The following PIK3CB variants were observed in gnomAD, a reference collection of about 807,000 sequenced individuals.
PIK3CB encodes the protein phosphatidylinositol 4,5-bisphosphate 3-kinase catalytic subunit beta isoform.
PIK3CB carries 39 observed loss-of-function variants against 136.8 expected under a neutral mutation model. The ratio of observed to expected loss-of-function variants is 0.29; its 90% confidence interval spans 0.22 to 0.37. The LOEUF (loss-of-function observed/expected upper bound fraction) is 0.37, where lower values mean the gene tolerates loss of function less well. Among genes scored for constraint, PIK3CB ranks in the 10% least tolerant of loss-of-function variants. The pLI is 1.00. For missense variants in PIK3CB, 868 were observed against 1,275.4 expected (o/e 0.68, Z 4.87); for synonymous variants, 428 against 436.6 (o/e 0.98, Z 0.25).
At chr3:138,814,607 T>C (rs1039315709) in intron 1 of PIK3CB, among the ~76,000 whole-genome samples, 1 of 152,146 alleles carries the variant, frequency 6.6e-6, no homozygotes, top group African/African-American at 2.4e-5. Flanking sequence ...TCTCTCTAGA[T>C]TTCCCCAACC....
chr3:138,736,946 G>C (rs2045119062), intron 6 of PIK3CB, among the ~76,000 whole-genome samples: 1 of 151,990 alleles, frequency 6.6e-6, no homozygotes, highest in Non-Finnish European at 1.5e-5. Flanking sequence ...ACAATTCAAT[G>C]GATGACCATT....
intron 19 of PIK3CB, 22 bp downstream of exon 19, chr3:138,681,945 A>G (rs763302577): frequency 1.7e-5 from 26 of 1,533,262 alleles, no homozygotes; most frequent in Non-Finnish European, 2.2e-5. Context: ...AGACTGAAAA[A>G]AAAAAAAAGA....
chr3:138,666,714 T>C (rs1479239245), intron 19 of PIK3CB, among the ~76,000 whole-genome samples: 2 of 152,140 alleles, frequency 1.3e-5, no homozygotes, highest in Non-Finnish European at 2.9e-5. Context: ...ATACAATGGA[T>C]GGAATTCATG....
intron 1 of PIK3CB, among the ~76,000 whole-genome samples, chr3:138,822,221 A>C (rs1933588871): frequency 6.6e-6 from 1 of 151,810 alleles, no homozygotes; most frequent in African/African-American, 2.4e-5. Flanking sequence ...GCTCATAAAT[A>C]TGGAACTTGA....
At chr3:138,663,778 A>G in intron 21 of PIK3CB, 128 bp downstream of exon 21, 1 of 868,200 alleles carries the variant, frequency 1.2e-6, no homozygotes. Context: ...GTAGTGAGAA[A>G]TTGAAGTAAA....
chr3:138,733,449 A>G lies in PIK3CB; in HGVS notation c.973-11T>C. ...ATTTTCCCAAACATGCTGTAAAAGA[A>G]TAAAATAAATACAAATTATTTTAAT... On this transcript the variant is annotated splice_polypyrimidine_tract_variant and intron_variant, in intron 7 of 23. Transcript: ENST00000674063. 7.8e-7 allele frequency: 1 copy of G among 1,285,218 alleles called. No individual in the cohort carries two copies. Among genetic ancestry groups the G allele is most frequent in the South Asian group, 1.2e-5 (1 of 80,060 alleles). The allele number at this position is 1,285,218 out of a possible 1,614,324, so 79.6% of individuals were successfully genotyped here. A position where few individuals can be genotyped will look rare whatever the true frequency, so the allele number is the denominator to read the frequency against.
intron 8 of PIK3CB, among the ~76,000 whole-genome samples, chr3:138,722,305 C>A (rs758595149): frequency 1.3e-5 from 2 of 151,114 alleles, no homozygotes; most frequent in Non-Finnish European, 2.9e-5. Context: ...TTTGGTAAAT[C>A]ATAAATAAAA....
intron 1 of PIK3CB, among the ~76,000 whole-genome samples, chr3:138,807,337 G>A (rs1223337617): frequency 6.6e-6 from 1 of 152,150 alleles, no homozygotes; most frequent in Non-Finnish European, 1.5e-5. Flanking sequence ...AGGAGGCTGA[G>A]GCAGAAGAAT....
intron 4 of PIK3CB, among the ~76,000 whole-genome samples, chr3:138,746,818 T>C (rs2045363266): frequency 6.6e-6 from 1 of 151,332 alleles, no homozygotes; most frequent in African/African-American, 2.4e-5. Flanking sequence ...TTAGAGTCTA[T>C]TGGTATGCCT....
chr3:138,831,311 TGCTA>T (rs1438042533), intron 1 of PIK3CB, among the ~76,000 whole-genome samples: 1 of 141,170 alleles, frequency 7.1e-6, no homozygotes, highest in African/African-American at 2.6e-5. Context: ...TTAAAAATAG[TGCTA>T]GGCGCAGTGG....
At position 138,711,434 on chromosome 3, in the gene PIK3CB, C is replaced by A. The variant is rs1299181347; in HGVS notation, c.1399+774G>T. On this transcript the variant is annotated intron_variant, in intron 10 of 23. Coordinates refer to ENST00000674063, the MANE Select transcript of PIK3CB (RefSeq NM_006219.3). Reference sequence around the variant, plus strand: ...GTCTCTACTAAAAATACAAAATTAGCTGGACGTGGTGGCACATGCCTGTAA... The same window carrying A: ...GTCTCTACTAAAAATACAAAATTAGATGGACGTGGTGGCACATGCCTGTAA... 2.0e-5 allele frequency among the ~76,000 whole-genome samples: 3 copies of A among 151,798 alleles called. No individual in the cohort carries two copies. The East Asian group carries it at 5.8e-4, about 29-fold the overall frequency.
At chr3:138,831,324 G>A (rs1576439298) in intron 1 of PIK3CB, among the ~76,000 whole-genome samples, 2 of 151,120 alleles carry the variant, frequency 1.3e-5, no homozygotes, top group South Asian at 4.2e-4. Flanking sequence ...TAGGCGCAGT[G>A]GCTCACGCCT....
intron 2 of PIK3CB, among the ~76,000 whole-genome samples, chr3:138,761,255 T>C (rs1369785746): frequency 6.6e-6 from 1 of 152,242 alleles, no homozygotes; most frequent in African/African-American, 2.4e-5. Context: ...AGATCTGATC[T>C]ATGTGCTAGT....
At chr3:138,683,856 T>C (rs1320984471) in intron 17 of PIK3CB, 69 bp from the exon 18 acceptor site, 3 of 840,678 alleles carry the variant, frequency 3.6e-6, no homozygotes, top group East Asian at 2.4e-5. Flanking sequence ...TTTACCACTA[T>C]ATACTAGGCT....
chr3:138,809,874 G>T (rs1247331152), intron 1 of PIK3CB, among the ~76,000 whole-genome samples: 1 of 152,136 alleles, frequency 6.6e-6, no homozygotes, highest in Non-Finnish European at 1.5e-5. Flanking sequence ...ATTATGTTCA[G>T]CTCTTAGTTT....
chr3:138,659,680 C>A (rs773045), intron 21 of PIK3CB, among the ~76,000 whole-genome samples: 1 of 151,752 alleles, frequency 6.6e-6, no homozygotes, highest in Non-Finnish European at 1.5e-5. Flanking sequence ...TGTGTCTCTG[C>A]GAAAGTTTTA....
chr3:138,775,129 A>T (rs1305618977), intron 2 of PIK3CB, among the ~76,000 whole-genome samples: 2 of 152,194 alleles, frequency 1.3e-5, no homozygotes, highest in African/African-American at 2.4e-5. Flanking sequence ...AAAACTGAAG[A>T]AGTATCTGTC....
intron 1 of PIK3CB, among the ~76,000 whole-genome samples, chr3:138,831,281 A>AAAATTAAATTAAATTAAATT (rs1553745243): frequency 2.7e-5 from 4 of 148,282 alleles, no homozygotes; most frequent in African/African-American, 1.0e-4. Flanking sequence ...AAAATAAAAT[A>AAAATTAAATTAAATTAAATT]AAATTAAATT....
At chr3:138,725,003 G>C (rs978021660) in intron 8 of PIK3CB, among the ~76,000 whole-genome samples, 1 of 152,046 alleles carries the variant, frequency 6.6e-6, no homozygotes, top group African/African-American at 2.4e-5. Context: ...AGGAAAATAC[G>C]GGGAAGGTGT....
Sources: gnomAD v4.1 joint callset for allele counts (sites outside exome capture counted in the v4.1 genomes callset) on GRCh38, gnomAD v4.1.1 for gene constraint, MANE v1.5 for transcripts, NCBI Gene and HGNC (gene_info 2026-07-23, HGNC 2026-07-21) for gene names.